GPC6: variants seen among roughly 807,000 people sequenced by gnomAD.
The protein encoded by GPC6 is glypican 6, also known as glypican-6.
In GPC6, 14 loss-of-function variants were observed where a neutral mutation model predicts 55.2. That is an observed-to-expected ratio of 0.25 (90% CI 0.17 to 0.40). GPC6 has a LOEUF of 0.40. GPC6 is among the 10% of genes least tolerant of loss of function. GPC6 has a pLI of 1.00. For missense variants in GPC6, 641 were observed against 708.5 expected (o/e 0.90, Z 1.08); for synonymous variants, 278 against 259.6 (o/e 1.07, Z -0.68).
intron 4 of GPC6, among the ~76,000 whole-genome samples, chr13:94,236,675 A>C (rs895878012): frequency 3.3e-5 from 5 of 152,172 alleles, no homozygotes; most frequent in Non-Finnish European, 7.3e-5. Flanking sequence ...AAAATATACC[A>C]GTGGTTAGAT....
At chr13:94,362,527 G>T (rs185591743) in intron 6 of GPC6, among the ~76,000 whole-genome samples, 1 of 152,016 alleles carries the variant, frequency 6.6e-6, no homozygotes, top group Non-Finnish European at 1.5e-5. Flanking sequence ...TTTTATTCTC[G>T]GGGATAAGAC....
intron 2 of GPC6, among the ~76,000 whole-genome samples, chr13:93,549,097 C>T (rs1046675887): frequency 5.3e-5 from 8 of 152,128 alleles, no homozygotes; most frequent in African/African-American, 1.7e-4. Flanking sequence ...TCTCAATATG[C>T]TCTGTAGCCA....
intron 1 of GPC6, among the ~76,000 whole-genome samples, chr13:93,368,847 G>T (rs557397351): frequency 6.6e-5 from 10 of 152,110 alleles, no homozygotes; most frequent in Non-Finnish European, 1.3e-4. Flanking sequence ...GGCATTTGCT[G>T]TACCTCAGAC....
intron 2 of GPC6, among the ~76,000 whole-genome samples, chr13:93,674,280 C>T (rs1370399779): frequency 6.6e-6 from 1 of 152,132 alleles, no homozygotes; most frequent in East Asian, 1.9e-4. Context: ...AATTGTCTCA[C>T]AGAAGCCCTA....
At chr13:94,246,105 A>T (rs1334029480) in intron 4 of GPC6, among the ~76,000 whole-genome samples, 1 of 152,024 alleles carries the variant, frequency 6.6e-6, no homozygotes, top group African/African-American at 2.4e-5. Flanking sequence ...CATTTTCCTG[A>T]TGATTAGGGA....
chr13:94,119,849 A>G (rs1190945226), intron 4 of GPC6, among the ~76,000 whole-genome samples: 2 of 152,110 alleles, frequency 1.3e-5, no homozygotes, highest in African/African-American at 4.8e-5. Flanking sequence ...CAATTGCTAT[A>G]GTGGAAACAG....
At chr13:94,391,042 T>C (rs1880621344) in intron 7 of GPC6, among the ~76,000 whole-genome samples, 1 of 152,156 alleles carries the variant, frequency 6.6e-6, no homozygotes, top group African/African-American at 2.4e-5. Flanking sequence ...AAGAATGGGT[T>C]TGGGGAGTTC....
At chr13:94,199,360 T>C (rs1889682610) in intron 4 of GPC6, among the ~76,000 whole-genome samples, 1 of 152,218 alleles carries the variant, frequency 6.6e-6, no homozygotes, top group African/African-American at 2.4e-5. Context: ...CATTTTTGGA[T>C]CTCTACATCC....
intron 6 of GPC6, among the ~76,000 whole-genome samples, chr13:94,346,954 G>C (rs1256571401): frequency 6.6e-6 from 1 of 152,162 alleles, no homozygotes; most frequent in Admixed American, 6.5e-5. Context: ...CTTTCATCTA[G>C]TTCATTATTT....
chr13:93,804,065 T>C (rs1886463481), intron 2 of GPC6, among the ~76,000 whole-genome samples: 1 of 152,172 alleles, frequency 6.6e-6, no homozygotes, highest in African/African-American at 2.4e-5. Flanking sequence ...TTTAAATGGA[T>C]GAATTGTATG....
intron 2 of GPC6, among the ~76,000 whole-genome samples, chr13:93,785,777 A>G (rs2138914165): frequency 6.6e-6 from 1 of 152,234 alleles, no homozygotes; most frequent in East Asian, 1.9e-4. Flanking sequence ...CCTGGGCAAC[A>G]TAGCAAGACC....
At chr13:94,203,327 T>C (rs546283136) in intron 4 of GPC6, among the ~76,000 whole-genome samples, 1 of 151,702 alleles carries the variant, frequency 6.6e-6, no homozygotes, top group East Asian at 2.0e-4. Context: ...AAAATAACCA[T>C]GAAAATTCCA....
chr13:93,276,837 T>G (rs933815028), intron 1 of GPC6, among the ~76,000 whole-genome samples: 11 of 152,182 alleles, frequency 7.2e-5, no homozygotes, highest in African/African-American at 2.7e-4. Flanking sequence ...GCTTCTTAGA[T>G]GTGTGGTTCT....
chr13:93,484,011 GA>G (rs746986349), intron 1 of GPC6, among the ~76,000 whole-genome samples: 22 of 152,084 alleles, frequency 1.4e-4, no homozygotes, highest in Non-Finnish European at 8.8e-5. Flanking sequence ...TCCTTGTTTA[GA>G]CTCTTAGAGC....
chr13:93,911,840 G>A (rs1876999998), intron 3 of GPC6, among the ~76,000 whole-genome samples: 2 of 152,244 alleles, frequency 1.3e-5, no homozygotes, highest in African/African-American at 4.8e-5. Flanking sequence ...ACTGGTAGAA[G>A]CGATATAAGT....
chr13:93,942,496 G>GT (rs1249721152), intron 3 of GPC6, among the ~76,000 whole-genome samples: 1 of 152,024 alleles, frequency 6.6e-6, no homozygotes, highest in Non-Finnish European at 1.5e-5. Context: ...ATTTTTTTGT[G>GT]TTTTTTGTAG....
At position 93,694,163 on chromosome 13, in the gene GPC6, GC is replaced by G. The variant is rs1882362514; in HGVS notation, c.320-135990del. On this transcript the variant is annotated intron_variant, in intron 2 of 8. Coordinates refer to ENST00000377047, the MANE Select transcript of GPC6 (RefSeq NM_005708.5). ...TTAATATTTCTGAAATAAAAAACAT[GC>G]AACATTCCCTGTTAAGAACTCTGTA... 2.6e-5 allele frequency among the ~76,000 whole-genome samples: 4 copies of G among 152,196 alleles called. No individual in the cohort carries two copies. In the East Asian group the frequency reaches 7.7e-4, roughly 29 times the overall value.
chr13:93,506,953 C>T (rs1363945604), intron 1 of GPC6, among the ~76,000 whole-genome samples: 4 of 146,506 alleles, frequency 2.7e-5, no homozygotes, highest in Non-Finnish European at 6.0e-5. Context: ...CCCAGCTACT[C>T]GGGAGGCTGA....
intron 3 of GPC6, among the ~76,000 whole-genome samples, chr13:93,847,093 CA>C (rs1888208383): frequency 1.3e-5 from 2 of 152,102 alleles, no homozygotes; most frequent in South Asian, 4.1e-4. Context: ...ACATAAGTAA[CA>C]TAGACACTTT....
Sources: gnomAD v4.1 joint callset for allele counts (sites outside exome capture counted in the v4.1 genomes callset) on GRCh38, gnomAD v4.1.1 for gene constraint, MANE v1.5 for transcripts, NCBI Gene and HGNC (gene_info 2026-07-23, HGNC 2026-07-21) for gene names.